The following PLEKHF2 variants were observed in gnomAD, a reference collection of about 807,000 sequenced individuals.
The protein encoded by PLEKHF2 is pleckstrin homology domain-containing family F member 2.
Under a neutral mutation model 14.7 loss-of-function variants are expected in PLEKHF2, and 4 were observed. The ratio of observed to expected loss-of-function variants is 0.27; its 90% CI spans 0.13 to 0.62. The LOEUF (loss-of-function observed/expected upper bound fraction) is 0.62. PLEKHF2 is among the 20% of genes least tolerant of loss of function. PLEKHF2 has a pLI of 0.85. For missense variants in PLEKHF2, 201 were observed against 307.7 expected (o/e 0.65, Z 2.60); for synonymous variants, 90 against 103.5 (o/e 0.87, Z 0.79).
intron 1 of PLEKHF2, among the ~76,000 whole-genome samples, chr8:95,143,379 G>A (rs556320952): frequency 2.0e-5 from 3 of 152,300 alleles, no homozygotes; most frequent in South Asian, 2.1e-4. Context: ...GATTACAGGC[G>A]TGGGACACCG....
In PLEKHF2 at chr8:95,148,579, C is replaced by T. The variant is rs369494928; in HGVS notation, c.-14-5452C>T. On this transcript the variant is annotated intron_variant, in intron 1 of 1. Coordinates refer to ENST00000315367, the MANE Select transcript of PLEKHF2 (RefSeq NM_024613.4). ...AATTTAATACGAGAGTGACATCAAT[C>T]AGTAGATTAGATTACTAACAGCATT... is the stretch of plus-strand genomic sequence containing the variant. Among the ~76,000 whole-genome samples the T allele has an allele frequency of 2.8e-4, 42 of 152,138 alleles. 1 individual carries two copies. Among genetic ancestry groups the T allele is most frequent in the South Asian group, 1.7e-3 (8 of 4,830 alleles).
At chr8:95,143,734 A>G (rs1159198467) in intron 1 of PLEKHF2, among the ~76,000 whole-genome samples, 1 of 152,246 alleles carries the variant, frequency 6.6e-6, no homozygotes, top group Non-Finnish European at 1.5e-5. Flanking sequence ...GAAAGAGGTA[A>G]AACTGGAAAG....
At position 95,154,155 on chromosome 8, in the gene PLEKHF2, T is replaced by C. The variant is rs561593873; in HGVS notation, c.111T>C (p.Ile37=). ...TAACTATACCTGGACGAGTTCTTAT[T>C]GGAGAAGGAGTATTGACTAAGTTGT... is the stretch of plus-strand genomic sequence containing the variant. The part of the protein sequence containing the change: ...QPLTIPGRVL[I]GEGVLTKLCR... The change falls in exon 2 of 2, where the codon ATT becomes ATC. Residue 37 remains isoleucine (I), a synonymous_variant. Transcript: ENST00000315367. The surrounding 1 kb of genome is among the most constrained non-coding windows in gnomAD (Gnocchi z 5.6). 4.2e-5 allele frequency: 67 copies of C among 1,613,996 alleles called. No individual in the cohort carries two copies. In the South Asian group the frequency reaches 7.0e-4, roughly 17 times the overall value.
At chr8:95,136,841 C>T (rs1202086555) in intron 1 of PLEKHF2, among the ~76,000 whole-genome samples, 1 of 152,230 alleles carries the variant, frequency 6.6e-6, no homozygotes, top group Non-Finnish European at 1.5e-5. Flanking sequence ...TTCATGGATA[C>T]ACTTTCACAG....
chr8:95,134,273 AG>A (rs1308938879), intron 1 of PLEKHF2: 1 of 146,612 alleles, frequency 6.8e-6, no homozygotes, highest in East Asian at 2.0e-4. Context: ...CCAGCCCGGG[AG>A]CGAGCCGCGC....
chr8:95,138,363 C>CCG (rs1449155628), intron 1 of PLEKHF2, among the ~76,000 whole-genome samples: 1 of 88,144 alleles, frequency 1.1e-5, no homozygotes, highest in African/African-American at 4.8e-5. Flanking sequence ...TCCCCCCCCC[C>CCG]CCGCCCCTTT....
intron 1 of PLEKHF2, among the ~76,000 whole-genome samples, chr8:95,151,719 A>G (rs1007483225): frequency 6.6e-6 from 1 of 152,008 alleles, no homozygotes; most frequent in African/African-American, 2.4e-5. Context: ...CTCAAGTATG[A>G]TCGCCTGTGG....
At chr8:95,145,607 G>T (rs947039376) in intron 1 of PLEKHF2, among the ~76,000 whole-genome samples, 2 of 152,014 alleles carry the variant, frequency 1.3e-5, no homozygotes, top group African/African-American at 4.8e-5. Context: ...TGTGTTTTTA[G>T]TAGAGACGGG....
intron 1 of PLEKHF2, among the ~76,000 whole-genome samples, chr8:95,153,581 AG>A (rs1810584167): frequency 1.3e-5 from 2 of 152,202 alleles, no homozygotes; most frequent in South Asian, 4.1e-4. Context: ...AATCCAGGTG[AG>A]AGAATTAAGG....
At chr8:95,135,956 A>G (rs962430899) in intron 1 of PLEKHF2, among the ~76,000 whole-genome samples, 1 of 152,200 alleles carries the variant, frequency 6.6e-6, no homozygotes, top group African/African-American at 2.4e-5. Context: ...CCTTAAAAAT[A>G]CTTAAGCCTA....
intron 1 of PLEKHF2, among the ~76,000 whole-genome samples, chr8:95,144,887 C>T (rs1810479157): frequency 1.4e-5 from 2 of 146,706 alleles, no homozygotes; most frequent in South Asian, 4.3e-4. Context: ...AAAAAAAACC[C>T]AGAAAAAAAA....
chr8:95,153,950 T>C, intron 1 of PLEKHF2, 81 bp from the exon 2 acceptor site: 1 of 1,121,382 alleles, frequency 8.9e-7, no homozygotes, highest in Non-Finnish European at 1.2e-6. Flanking sequence ...AAGCAATGAT[T>C]TGTTAGCTTA....
Position 95,155,190 on chromosome 8 carries a change from C to CT in PLEKHF2, c.*402dup, listed in dbSNP as rs1272757992. On this transcript the variant is annotated 3_prime_UTR_variant, in exon 2 of 2. Coordinates refer to ENST00000315367, the MANE Select transcript of PLEKHF2 (RefSeq NM_024613.4). ...TGTGGTTCATTAATAATGTTAGCAG[C>CT]TTTTTTCTAACCATCCTGTCTAATG... 1.1e-5 allele frequency: 2 copies of CT among 189,282 alleles called. No homozygotes were observed. Among genetic ancestry groups the CT allele is most frequent in the African/African-American group, 4.8e-5 (2 of 41,874 alleles). The allele number at this position is 189,282 out of a possible 1,614,324, so 11.7% of individuals were successfully genotyped here. A position where few individuals can be genotyped will look rare whatever the true frequency, so the allele number is the denominator to read the frequency against.
rs1055181414 is a variant in PLEKHF2 at position 95,155,181 on chromosome 8, T to C, written c.*387T>C. On this transcript the variant is annotated 3_prime_UTR_variant, in exon 2 of 2. Coordinates refer to ENST00000315367, the MANE Select transcript of PLEKHF2 (RefSeq NM_024613.4). ...GGGCTATAATGTGGTTCATTAATAA[T>C]GTTAGCAGCTTTTTTCTAACCATCC... The C allele has an allele frequency of 6.7e-5, 13 of 193,094 alleles. 2 individuals are homozygous for C. Among genetic ancestry groups the C allele is most frequent in the East Asian group, 1.4e-4 (1 of 7,070 alleles). 12.0% of individuals were successfully genotyped at this position (193,094 alleles called of 1,614,324 possible). A position where few individuals can be genotyped will look rare whatever the true frequency, so the allele number is the denominator to read the frequency against.
intron 1 of PLEKHF2, among the ~76,000 whole-genome samples, chr8:95,136,098 GCAA>G (rs1407622142): frequency 2.6e-5 from 4 of 152,096 alleles, no homozygotes; most frequent in Non-Finnish European, 5.9e-5. Flanking sequence ...TTGACAGCAG[GCAA>G]CACATCGGGT....
intron 1 of PLEKHF2, among the ~76,000 whole-genome samples, chr8:95,138,361 C>CCG (rs1554695927): frequency 2.6e-4 from 23 of 87,516 alleles, no homozygotes; most frequent in African/African-American, 9.9e-4. Context: ...CTTCCCCCCC[C>CCG]CCCCGCCCCT....
rs536404299 is a variant in PLEKHF2, at chr8:95,151,197, T to C, written c.-14-2834T>C. ...TAACTTCATAGGCATTTCAAACAGT[T>C]CAAATCAGAAAATAATATGAAAAGC... is the stretch of plus-strand genomic sequence containing the variant. On this transcript the variant is annotated intron_variant, in intron 1 of 1. Transcript: ENST00000315367. Among the ~76,000 whole-genome samples the C allele has an allele frequency of 2.6e-5, 4 of 152,192 alleles. No homozygotes were observed. In the East Asian group the frequency reaches 7.7e-4, roughly 29 times the overall value.
chr8:95,148,696 T>C (rs1334468771), intron 1 of PLEKHF2, among the ~76,000 whole-genome samples: 1 of 152,110 alleles, frequency 6.6e-6, no homozygotes, highest in Non-Finnish European at 1.5e-5. Context: ...ATTATTCCCA[T>C]GTACAAGTAA....
At chr8:95,151,363 G>GT (rs113385638) in intron 1 of PLEKHF2, among the ~76,000 whole-genome samples, 24,382 of 149,198 alleles carry the variant, frequency 0.16, 2,438 homozygotes, top group African/African-American at 0.28. Context: ...GATCCTTTCA[G>GT]TTTTTTTTTT....
Sources: allele counts gnomAD v4.1 joint callset (sites outside exome capture counted in the v4.1 genomes callset), GRCh38; gene constraint gnomAD v4.1.1; non-coding constraint Gnocchi (gnomAD v3.1); transcripts MANE v1.5; gene names NCBI Gene and HGNC (gene_info 2026-07-23, HGNC 2026-07-21).